PDE3A: variants seen among roughly 807,000 people sequenced by gnomAD.
PDE3A encodes the protein cGMP-inhibited 3',5'-cyclic phosphodiesterase 3A.
PDE3A carries 43 observed loss-of-function variants against 98.3 expected under a neutral mutation model. The ratio of observed to expected loss-of-function variants is 0.44; its 90% confidence interval spans 0.34 to 0.56. The LOEUF is 0.56. PDE3A is among the 20% of genes least tolerant of loss of function. The pLI, the probability that PDE3A is intolerant of heterozygous loss-of-function variation, is 0.01. For synonymous variants in PDE3A, 663 were observed against 567.9 expected, an observed-to-expected ratio of 1.17 and a Z score of -2.38; for missense variants, 1,427 against 1,440.7, an observed-to-expected ratio of 0.99 and a Z score of 0.15.
At position 20,654,049 on chromosome 12, in the gene PDE3A, G is replaced by A; in HGVS notation, c.3028G>A (p.Gly1010Arg). The change falls in exon 15 of 16, where the codon GGG (glycine) becomes AGG (arginine). Residue 1010 changes from glycine (G) to arginine (R), a missense_variant. Physicochemically the swap from Gly to Arg is moderately radical, Grantham distance 125 (BLOSUM62 -2). Coordinates refer to ENST00000359062, the MANE Select transcript of PDE3A (RefSeq NM_000921.5). The stretch of plus-strand genomic sequence containing the variant: ...GGAATCCTTCATCTCTCACATTGTG[G>A]GGCCTCTGTGCAACTCCTATGATTC... ...LQESFISHIVGPLCNSYDSAG... is the reference protein window; with the variant it reads ...LQESFISHIVRPLCNSYDSAG... 2 of 1,614,054 alleles carry A rather than the reference G, an allele frequency of 1.2e-6. No individual in the cohort carries two copies. The highest frequency in any genetic ancestry group is 1.3e-5 in the African/African-American group (1 of 75,000).
chr12:20,566,137 A>G (rs1218216007), intron 2 of PDE3A, among the ~76,000 whole-genome samples: 1 of 152,006 alleles, frequency 6.6e-6, no homozygotes, highest in Non-Finnish European at 1.5e-5. Flanking sequence ...CTTAAAAGTC[A>G]CAAAAATGAA....
In PDE3A at chr12:20,552,428, A is replaced by G. The variant is rs1942237775; in HGVS notation, c.961-4232A>G. 15 of 1,612,956 alleles carry G rather than the reference A, an allele frequency of 9.3e-6. No individual in the cohort carries two copies. The highest frequency in any genetic ancestry group is 1.3e-5 in the African/African-American group (1 of 75,008). ...AAGGAGGGGAAGGACCGGATCAAGAAGCTGGGGCTGACCATGCAGTATCCA... is the reference window on the plus strand; with the variant it reads ...AAGGAGGGGAAGGACCGGATCAAGAGGCTGGGGCTGACCATGCAGTATCCA... On this transcript the variant is annotated intron_variant, in intron 1 of 15. Transcript: ENST00000359062. This position sits in a 1 kb window ranked among gnomAD's most constrained non-coding sequence, Gnocchi z 5.1.
chr12:20,585,861 C>T (rs1000307389), intron 2 of PDE3A, among the ~76,000 whole-genome samples: 3 of 152,102 alleles, frequency 2.0e-5, no homozygotes, highest in African/African-American at 7.2e-5. Flanking sequence ...GCCTTTTCTT[C>T]TTTCCTTTCT....
At chr12:20,438,212 C>T (rs1944811214) in intron 1 of PDE3A, among the ~76,000 whole-genome samples, 2 of 152,192 alleles carry the variant, frequency 1.3e-5, no homozygotes, top group South Asian at 2.1e-4. Context: ...AAGGAAGCTC[C>T]TAAGTATCCA....
intron 5 of PDE3A, among the ~76,000 whole-genome samples, 172 bp downstream of exon 5, chr12:20,621,583 T>G (rs762703815): frequency 5.3e-5 from 8 of 152,214 alleles, no homozygotes; most frequent in Non-Finnish European, 1.0e-4. Context: ...AATTAGTTAT[T>G]TAAATTTCTA....
chr12:20,435,544 G>C (rs1418597573), intron 1 of PDE3A, among the ~76,000 whole-genome samples: 1 of 152,104 alleles, frequency 6.6e-6, no homozygotes, highest in Non-Finnish European at 1.5e-5. Flanking sequence ...ATTGGTGATA[G>C]GAAAAGTACT....
intron 2 of PDE3A, among the ~76,000 whole-genome samples, chr12:20,575,442 T>C (rs1942907058): frequency 1.3e-5 from 2 of 151,976 alleles, no homozygotes; most frequent in Non-Finnish European, 1.5e-5. Flanking sequence ...AATAAACAAT[T>C]ACAGAAAAAT....
intron 2 of PDE3A, among the ~76,000 whole-genome samples, chr12:20,593,136 G>A (rs565068331): frequency 2.0e-5 from 3 of 152,080 alleles, no homozygotes; most frequent in Admixed American, 1.3e-4. Context: ...GAATGAAGCT[G>A]GAATGTTTTT....
At chr12:20,612,438 A>G (rs1421699428) in intron 2 of PDE3A, among the ~76,000 whole-genome samples, 3 of 151,294 alleles carry the variant, frequency 2.0e-5, no homozygotes, top group Non-Finnish European at 4.4e-5. Context: ...AGAAGTTTTT[A>G]TCTTCATTTA....
intron 1 of PDE3A, among the ~76,000 whole-genome samples, chr12:20,383,599 A>G (rs1310796755): frequency 6.6e-6 from 1 of 151,950 alleles, no homozygotes; most frequent in East Asian, 1.9e-4. Context: ...AGTCTGAGGT[A>G]GTTATTTTGG....
chr12:20,474,670 G>T (rs1177729330), intron 1 of PDE3A, among the ~76,000 whole-genome samples: 1 of 152,022 alleles, frequency 6.6e-6, no homozygotes, highest in African/African-American at 2.4e-5. Context: ...TTGGCTCCTG[G>T]CCTCTTCCTC....
intron 1 of PDE3A, among the ~76,000 whole-genome samples, chr12:20,538,154 A>G (rs1941798946): frequency 6.6e-6 from 1 of 152,058 alleles, no homozygotes; most frequent in Non-Finnish European, 1.5e-5. Context: ...GCTGCCTACC[A>G]TTATTGCTAC....
In PDE3A at chr12:20,613,571, G is replaced by C. The variant is rs1157581397; in HGVS notation, c.1140G>C (p.Leu380Phe). Residue 380 changes from leucine (L) to phenylalanine (F), a missense_variant, in exon 3 of 16, where the codon TTG (leucine) becomes TTC (phenylalanine). Leu to Phe is a conservative substitution (Grantham distance 22, BLOSUM62 0). Coordinates refer to ENST00000359062, the MANE Select transcript of PDE3A (RefSeq NM_000921.5). ...VCTSLRAVSNLLSTQLTFQAI... is the reference protein window; with the variant it reads ...VCTSLRAVSNFLSTQLTFQAI... The stretch of plus-strand genomic sequence containing the variant: ...CATCCTTGAGAGCCGTGAGCAACTT[G>C]CTCAGCACACAGCTCACCTTCCAGG... 4 of 1,614,020 alleles carry C rather than the reference G, an allele frequency of 2.5e-6. No homozygotes were observed. In the African/African-American group the frequency reaches 5.3e-5, roughly 22 times the overall value.
intron 1 of PDE3A, among the ~76,000 whole-genome samples, chr12:20,519,305 C>T (rs1946379859): frequency 6.6e-6 from 1 of 152,176 alleles, no homozygotes; most frequent in African/African-American, 2.4e-5. Context: ...TGGAGTTGTG[C>T]ACACAGAGTC....
intron 1 of PDE3A, among the ~76,000 whole-genome samples, chr12:20,424,415 A>G (rs113215694): frequency 0.028 from 4,199 of 151,710 alleles, 203 homozygotes; most frequent in African/African-American, 0.096. Flanking sequence ...AAATTTTTCT[A>G]TAGATACAAA....
rs117807489 is a variant in PDE3A at position 20,559,846 on chromosome 12, A to G, written c.1011+3136A>G. Among the ~76,000 whole-genome samples the G allele has an allele frequency of 2.9e-3, 446 of 152,320 alleles. 1 individual carries two copies. The highest frequency in any genetic ancestry group is 4.7e-3 in the Non-Finnish European group (317 of 68,030). ...AAAAGGTGGATGAAAAAGCTTTGGT[A>G]AAAGTCTGAACTGAGAAGAGTGTGG... On this transcript the variant is annotated intron_variant, in intron 2 of 15. Coordinates refer to ENST00000359062, the MANE Select transcript of PDE3A (RefSeq NM_000921.5).
chr12:20,566,109 G>A (rs377230010), intron 2 of PDE3A, among the ~76,000 whole-genome samples: 5 of 151,804 alleles, frequency 3.3e-5, no homozygotes, highest in Admixed American at 6.6e-5. Flanking sequence ...TAATATTAGC[G>A]ATATTAACTA....
At chr12:20,412,836 C>A (rs1838447) in intron 1 of PDE3A, among the ~76,000 whole-genome samples, 1 of 151,944 alleles carries the variant, frequency 6.6e-6, no homozygotes, top group Non-Finnish European at 1.5e-5. Flanking sequence ...ACCAGCTTGG[C>A]CTTAATTTCC....
intron 1 of PDE3A, among the ~76,000 whole-genome samples, chr12:20,435,292 G>C (rs909794193): frequency 6.6e-6 from 1 of 151,978 alleles, no homozygotes; most frequent in South Asian, 2.1e-4. Flanking sequence ...TATTCAGGTC[G>C]ATTAAAAATA....
Sources: allele counts gnomAD v4.1 joint callset (sites outside exome capture counted in the v4.1 genomes callset), GRCh38; gene constraint gnomAD v4.1.1; non-coding constraint Gnocchi (gnomAD v3.1); transcripts MANE v1.5; gene names NCBI Gene and HGNC (gene_info 2026-07-23, HGNC 2026-07-21).